The following MINDY4 variants were observed in gnomAD, a reference collection of about 807,000 sequenced individuals.
The protein encoded by MINDY4 is MINDY lysine 48 deubiquitinase 4, also known as probable ubiquitin carboxyl-terminal hydrolase MINDY-4.
Under a neutral mutation model 87.0 loss-of-function variants are expected in MINDY4, and 68 were observed. That is an observed-to-expected ratio of 0.78 (90% CI 0.64 to 0.96). The LOEUF is 0.96. Among genes scored for constraint, MINDY4 ranks in the 40% least tolerant of loss-of-function variants. The pLI is 0.00. For missense variants in MINDY4, 919 were observed against 928.2 expected (o/e 0.99, Z 0.13); for synonymous variants, 379 against 363.2 (o/e 1.04, Z -0.50).
At chr7:30,852,951 C>T (rs1019849722) in intron 11 of MINDY4, among the ~76,000 whole-genome samples, 1 of 152,202 alleles carries the variant, frequency 6.6e-6, no homozygotes, top group Admixed American at 6.5e-5. Flanking sequence ...CCTGAAAAAG[C>T]AAAGGAGACT....
intron 13 of MINDY4, among the ~76,000 whole-genome samples, chr7:30,864,053 T>C (rs1321531227): frequency 6.6e-6 from 1 of 152,222 alleles, no homozygotes; most frequent in African/African-American, 2.4e-5. Context: ...ATTGAGGCCC[T>C]GAGAAGGTCC....
Position 30,850,484 on chromosome 7 carries a change from C to A in MINDY4, c.1476C>A (p.Thr492=). Residue 492 remains threonine, a synonymous_variant, in exon 10 of 18, where the codon ACC becomes ACA. Coordinates refer to ENST00000265299, the MANE Select transcript of MINDY4 (RefSeq NM_032222.3). ...TGCAGCCTTCAGATGCCCACCGGAC[C>A]CGCTGCCTCGTCCTGGCCCTCGCAG... ...QGLQPSDAHR[T]RCLVLALADI... is the part of the protein sequence containing the mutation. 6.2e-7 allele frequency: 1 copy of A among 1,612,644 alleles called. No individual in the cohort carries two copies.
Position 30,892,355 on chromosome 7 carries a change from T to G in MINDY4, c.*350T>G. The G allele has an allele frequency of 3.6e-6, 1 of 276,420 alleles. No homozygotes were observed. 17.1% of individuals were successfully genotyped at this position (276,420 alleles called of 1,614,324 possible). A position where few individuals can be genotyped will look rare whatever the true frequency, so the allele number is the denominator to read the frequency against. The stretch of plus-strand genomic sequence containing the variant: ...GGCCCTGGGGACTCATTACTTCTGG[T>G]AGCTGGCTTTCTATAAAAATGGGTC... On this transcript the variant is annotated 3_prime_UTR_variant, in exon 18 of 18. Coordinates refer to ENST00000265299, the MANE Select transcript of MINDY4 (RefSeq NM_032222.3).
chr7:30,820,062 C>G (rs574487169), intron 5 of MINDY4, among the ~76,000 whole-genome samples: 1 of 150,740 alleles, frequency 6.6e-6, no homozygotes, highest in Non-Finnish European at 1.5e-5. Flanking sequence ...CCACTACGCC[C>G]GGCTAATTTT....
At chr7:30,785,469 A>G (rs1787136088) in intron 3 of MINDY4, among the ~76,000 whole-genome samples, 1 of 152,248 alleles carries the variant, frequency 6.6e-6, no homozygotes, top group African/African-American at 2.4e-5. Context: ...TGGAAGACTA[A>G]GGATGCTCTT....
intron 9 of MINDY4, among the ~76,000 whole-genome samples, chr7:30,841,601 C>A (rs897433198): frequency 6.6e-6 from 1 of 151,984 alleles, no homozygotes; most frequent in African/African-American, 2.4e-5. Flanking sequence ...GAGTCACCCT[C>A]AGAGCTACAG....
chr7:30,813,629 A>T (rs1437633960), intron 5 of MINDY4, among the ~76,000 whole-genome samples: 1 of 152,150 alleles, frequency 6.6e-6, no homozygotes, highest in Non-Finnish European at 1.5e-5. Flanking sequence ...TTTCCAGGGG[A>T]CTGCCAGGAG....
At chr7:30,872,587 A>C (rs1165667976) in intron 14 of MINDY4, among the ~76,000 whole-genome samples, 1 of 152,176 alleles carries the variant, frequency 6.6e-6, no homozygotes, top group Non-Finnish European at 1.5e-5. Flanking sequence ...CTGAACTCAG[A>C]CCAAAGTGCT....
chr7:30,822,946 T>G (rs1448865986), intron 5 of MINDY4, among the ~76,000 whole-genome samples: 1 of 152,070 alleles, frequency 6.6e-6, no homozygotes, highest in Admixed American at 6.6e-5. Context: ...GCCCAGCCTC[T>G]AGTCTATTTT....
intron 9 of MINDY4, among the ~76,000 whole-genome samples, chr7:30,842,539 G>A (rs1404346133): frequency 2.6e-5 from 4 of 152,176 alleles, no homozygotes; most frequent in Non-Finnish European, 2.9e-5. Flanking sequence ...TGAAAAAAAT[G>A]TGCAGAGTGT....
At chr7:30,776,179 G>T (rs902945361) in intron 1 of MINDY4, among the ~76,000 whole-genome samples, 1 of 152,132 alleles carries the variant, frequency 6.6e-6, no homozygotes, top group African/African-American at 2.4e-5. Flanking sequence ...TCAAAAATAT[G>T]TCAGTTCAAA....
chr7:30,791,044 C>T lies in MINDY4; in HGVS notation c.664-121C>T, dbSNP rs562358315. 36 of 999,958 alleles carry T rather than the reference C, an allele frequency of 3.6e-5. No individual in the cohort carries two copies. The South Asian group carries it at 4.1e-4, about 11-fold the overall frequency. The allele number at this position is 999,958 out of a possible 1,614,324, so 61.9% of individuals were successfully genotyped here. ...AGGCAAGATTTTAAGGGAAAGAGTC[C>T]GAGGTGGGAAAAGACATTCCTGGGA... On this transcript the variant is annotated intron_variant, in intron 4 of 17. Transcript: ENST00000265299.
chr7:30,892,070 A>G lies in MINDY4; in HGVS notation c.*65A>G. The stretch of plus-strand genomic sequence containing the variant: ...ACCTCATCACCGAGGATGACAGCTG[A>G]ACCCCAAGCCTCTGGGGCAGGTCTC... On this transcript the variant is annotated 3_prime_UTR_variant, in exon 18 of 18. Transcript: ENST00000265299. 1 of 1,576,038 alleles carries G rather than the reference A, an allele frequency of 6.3e-7. No individual in the cohort carries two copies. Among genetic ancestry groups the G allele is most frequent in the Non-Finnish European group, 8.7e-7 (1 of 1,145,576 alleles).
intron 6 of MINDY4, among the ~76,000 whole-genome samples, chr7:30,832,014 C>A (rs1011000116): frequency 6.6e-6 from 1 of 152,210 alleles, no homozygotes; most frequent in Non-Finnish European, 1.5e-5. Context: ...CCTTGCATGG[C>A]ATTCCCACCA....
intron 2 of MINDY4, chr7:30,779,834 T>C (rs573999022): frequency 6.6e-6 from 1 of 152,374 alleles, no homozygotes; most frequent in Admixed American, 6.5e-5. Flanking sequence ...TGGATTCGTA[T>C]GGTGGTAGGA....
At position 30,873,295 on chromosome 7, in the gene MINDY4, G is replaced by A. The variant is rs1790162345; in HGVS notation, c.1809+989G>A. 2.6e-5 allele frequency among the ~76,000 whole-genome samples: 4 copies of A among 152,204 alleles called. No individual in the cohort carries two copies. In the South Asian group the frequency reaches 8.3e-4, roughly 31 times the overall value. ...CCCATGGGAGCTTTCCCTTTTCTGG[G>A]GCAGAGAAGGATGCTGCCCAGGTGT... On this transcript the variant is annotated intron_variant, in intron 14 of 17. Transcript: ENST00000265299.
chr7:30,885,710 C>T (rs1388576140), intron 17 of MINDY4, among the ~76,000 whole-genome samples: 1 of 149,890 alleles, frequency 6.7e-6, no homozygotes, highest in Non-Finnish European at 1.5e-5. Context: ...GTGCCCACCC[C>T]CCCCCCAACC....
chr7:30,772,109 A>G (rs969130404), intron 1 of MINDY4, among the ~76,000 whole-genome samples: 1 of 152,180 alleles, frequency 6.6e-6, no homozygotes, highest in Non-Finnish European at 1.5e-5. Context: ...TGCAGTGTTC[A>G]CAAGCTTGGA....
At chr7:30,778,294 T>C (rs1181089678) in intron 1 of MINDY4, 138 bp from the exon 2 acceptor site, 1 of 1,118,414 alleles carries the variant, frequency 8.9e-7, no homozygotes, top group Non-Finnish European at 1.3e-6. Flanking sequence ...TAATATTAAT[T>C]ATTGCAAAGG....
Sources: allele counts gnomAD v4.1 joint callset (sites outside exome capture counted in the v4.1 genomes callset), GRCh38; gene constraint gnomAD v4.1.1; transcripts MANE v1.5; gene names NCBI Gene and HGNC (gene_info 2026-07-23, HGNC 2026-07-21).